The following PASK variants were observed in gnomAD, a reference collection of about 807,000 sequenced individuals.
The protein encoded by PASK is PAS domain containing serine/threonine kinase.
A neutral mutation model predicts 121.0 loss-of-function variants in PASK; 110 were observed. That is an observed-to-expected ratio of 0.91 (90% CI 0.78 to 1.06). The LOEUF is 1.06. Ranked by LOEUF, PASK falls within the 50% of genes least tolerant of loss-of-function variation. The pLI, the probability that PASK is intolerant of heterozygous loss-of-function variation, is 0.00. For synonymous variants in PASK, 686 were observed against 717.8 expected, an observed-to-expected ratio of 0.96 and a Z score of 0.71; for missense variants, 1,643 against 1,702.3, an observed-to-expected ratio of 0.97 and a Z score of 0.61.
At chr2:241,121,385 A>G (rs892896109) in intron 12 of PASK, among the ~76,000 whole-genome samples, 1 of 152,238 alleles carries the variant, frequency 6.6e-6, no homozygotes, top group Non-Finnish European at 1.5e-5. Flanking sequence ...AAATATTAAA[A>G]ACTAACAAGA....
In PASK at chr2:241,115,069, G is replaced by C; in HGVS notation, c.3307C>G (p.Pro1103Ala). The change falls in exon 14 of 18, where the codon CCC becomes GCC. Residue 1103 changes from proline (P) to alanine (A), a missense_variant. Pro to Ala is a conservative substitution (Grantham distance 27). Transcript: ENST00000234040. ...TGTCGGAAGATGTAGCTCGCCAGGG[G>C]CTCATCCAGCCTGGGGTGGCGGTCG... ...FIDRHPRLDE[P>A]LASYIFRQLV... 1 of 1,614,126 alleles carries C rather than the reference G, an allele frequency of 6.2e-7. No individual in the cohort carries two copies. The highest frequency in any genetic ancestry group is 8.5e-7 in the Non-Finnish European group (1 of 1,179,996).
chr2:241,140,464 A>T, intron 3 of PASK, 57 bp downstream of exon 3: 2 of 1,242,192 alleles, frequency 1.6e-6, no homozygotes, highest in Non-Finnish European at 2.3e-6. Flanking sequence ...TCCCAGGTTT[A>T]AGGCACAAAC....
In PASK at chr2:241,112,739, C is replaced by T. The variant is rs1490667765; in HGVS notation, c.3334-300G>A. The T allele has an allele frequency of 5.4e-6, 2 of 370,222 alleles. No individual in the cohort carries two copies. Among genetic ancestry groups the T allele is most frequent in the Non-Finnish European group, 5.1e-6 (1 of 197,914 alleles). 22.9% of individuals were successfully genotyped at this position (370,222 alleles called of 1,614,324 possible). ...GCTTCCCAGCAGACACTCGCCCCCA[C>T]CAACGCACACCATGCCTATTTCAGG... On this transcript the variant is annotated intron_variant, in intron 14 of 17. Transcript: ENST00000234040. This position sits in a 1 kb window ranked among gnomAD's most constrained non-coding sequence, Gnocchi z 5.2.
Position 241,112,451 on chromosome 2 carries a change from A to C in PASK, c.3334-12T>G, listed in dbSNP as rs749032289. Reference sequence around the variant, plus strand: ...ACTGCTGACACTAGCTGGAATCAGGAGGCCAGAGGGGGCTTTTTAAAAAAG... The same window carrying C: ...ACTGCTGACACTAGCTGGAATCAGGCGGCCAGAGGGGGCTTTTTAAAAAAG... On this transcript the variant is annotated splice_polypyrimidine_tract_variant and intron_variant, in intron 14 of 17. Coordinates refer to ENST00000234040, the MANE Select transcript of PASK (RefSeq NM_015148.4). This position sits in a 1 kb window ranked among gnomAD's most constrained non-coding sequence, Gnocchi z 5.2. 3 of 1,596,498 alleles carry C rather than the reference A, an allele frequency of 1.9e-6. No homozygotes were observed. Among genetic ancestry groups the C allele is most frequent in the Non-Finnish European group, 1.7e-6 (2 of 1,165,620 alleles).
At chr2:241,139,791 C>T (rs1346576006) in intron 4 of PASK, 94 bp downstream of exon 4, 1 of 1,219,556 alleles carries the variant, frequency 8.2e-7, no homozygotes, top group Non-Finnish European at 1.2e-6. Flanking sequence ...CCACCCAACC[C>T]CCAGCAGAGC....
chr2:241,136,340 G>A (rs1417689971), intron 7 of PASK, among the ~76,000 whole-genome samples: 1 of 152,228 alleles, frequency 6.6e-6, no homozygotes. Flanking sequence ...AGATGGATCT[G>A]GGAGCCTGTG....
chr2:241,130,435 G>A (rs1037902638), intron 9 of PASK, among the ~76,000 whole-genome samples: 4 of 152,112 alleles, frequency 2.6e-5, no homozygotes, highest in Admixed American at 6.6e-5. Flanking sequence ...AACGGGCCAC[G>A]TGGCCTCTGT....
chr2:241,107,588 A>G, intron 16 of PASK, 89 bp from the exon 17 acceptor site: 1 of 1,318,462 alleles, frequency 7.6e-7, no homozygotes, highest in Non-Finnish European at 1.1e-6. Context: ...ACCCCCCCGC[A>G]GAGCCTCTGA....
intron 2 of PASK, among the ~76,000 whole-genome samples, chr2:241,141,171 C>T (rs2066682449): frequency 6.6e-6 from 1 of 152,194 alleles, no homozygotes; most frequent in African/African-American, 2.4e-5. Flanking sequence ...CTTGCAGCCC[C>T]ATCTACTCAG....
chr2:241,120,050 T>TA (rs1305059507), intron 12 of PASK, among the ~76,000 whole-genome samples: 1 of 152,132 alleles, frequency 6.6e-6, no homozygotes, highest in Non-Finnish European at 1.5e-5. Flanking sequence ...TAAAATAAAA[T>TA]GTGCTTCAAA....
intron 9 of PASK, among the ~76,000 whole-genome samples, chr2:241,127,992 C>A (rs941998400): frequency 6.6e-6 from 1 of 152,318 alleles, no homozygotes; most frequent in African/African-American, 2.4e-5. Flanking sequence ...GGGCCAGGGG[C>A]CAGGGGGCCG....
chr2:241,140,745 ATCTGTCT>A lies in PASK; in HGVS notation c.198_204del (p.Glu66AspfsTer95). The A allele has an allele frequency of 2.1e-5, 33 of 1,605,988 alleles. No homozygotes were observed. In the Middle Eastern group the frequency reaches 5.0e-4, roughly 24 times the overall value. On this transcript the variant is annotated frameshift_variant and splice_region_variant, in exon 3 of 18. Coordinates refer to ENST00000234040, the MANE Select transcript of PASK (RefSeq NM_015148.4). LOFTEE classifies it high-confidence loss of function. ...AGTGATGATAGACAATAGGAGCTCC[ATCTGTCT>A]TCTGAAAAGAGAAGCGAAGCGAAGC...
chr2:241,149,555 G>A (rs1053001603), upstream of PASK: 174 of 1,171,286 alleles, frequency 1.5e-4, no homozygotes, highest in Non-Finnish European at 2.0e-4. Context: ...GTATGGGCGG[G>A]ACTAAGCTAG....
At position 241,136,729 on chromosome 2, in the gene PASK, G is replaced by A. The variant is rs528687266; in HGVS notation, c.1137+275C>T. Among the ~76,000 whole-genome samples, 7 of 152,326 alleles carry A rather than the reference G, an allele frequency of 4.6e-5. No homozygotes were observed. The South Asian group carries it at 6.2e-4, about 14-fold the overall frequency. ...AGAAATGAACCCCCGCAGTTGTGTC[G>A]TAAACCCTGGTCCATCAGTCAGACC... On this transcript the variant is annotated intron_variant, in intron 7 of 17. Transcript: ENST00000234040.
chr2:241,139,214 C>T (rs1187836372), intron 4 of PASK, among the ~76,000 whole-genome samples: 1 of 152,178 alleles, frequency 6.6e-6, no homozygotes, highest in Non-Finnish European at 1.5e-5. Flanking sequence ...GTGTGAAAGC[C>T]ACACACTAGG....
chr2:241,144,936 CAG>C (rs1491460253), intron 1 of PASK, among the ~76,000 whole-genome samples: 5 of 152,090 alleles, frequency 3.3e-5, no homozygotes, highest in Non-Finnish European at 1.5e-5. Context: ...TTTTTTGAGA[CAG>C]AGTCTCGCTG....
chr2:241,113,501 CAT>C (rs1217208929), intron 14 of PASK: 3 of 156,316 alleles, frequency 1.9e-5, no homozygotes, highest in African/African-American at 4.8e-5. Context: ...TACCTATACA[CAT>C]AACATATACT....
At position 241,124,043 on chromosome 2, in the gene PASK, C is replaced by A. The variant is rs56139954; in HGVS notation, c.2810G>T (p.Arg937Leu). 5.0e-6 allele frequency: 8 copies of A among 1,613,434 alleles called. No individual in the cohort carries two copies. Among genetic ancestry groups the A allele is most frequent in the Non-Finnish European group, 6.8e-6 (8 of 1,179,948 alleles). The part of the protein sequence containing the change: ...WLVKDLLHSQ[R>L]DSAARTRLFL... ...CAGGCGGGTCCTGGCGGCTGAGTCGCGTTGGCTGTGGAGGAGGTCTTTCAC... is the reference window on the plus strand; with the variant it reads ...CAGGCGGGTCCTGGCGGCTGAGTCGAGTTGGCTGTGGAGGAGGTCTTTCAC... Residue 937 changes from arginine to leucine, a missense_variant, in exon 11 of 18, where the codon CGC (arginine) becomes CTC (leucine). Physicochemically the swap from Arg to Leu is moderately radical, Grantham distance 102. Around this residue, in one of 3 missense-constraint regions of PASK, gnomAD observed 453 missense variants for 511.2 expected, o/e 0.89. Transcript: ENST00000234040.
chr2:241,123,909 C>T (rs759842898), intron 11 of PASK, 40 bp downstream of exon 11: 2 of 1,551,524 alleles, frequency 1.3e-6, no homozygotes, highest in East Asian at 2.3e-5. Flanking sequence ...CCACACAGTA[C>T]AAGGCAAGTC....
Sources: allele counts gnomAD v4.1 joint callset (sites outside exome capture counted in the v4.1 genomes callset), GRCh38; gene constraint gnomAD v4.1.1; regional missense constraint gnomAD v4.1.1; non-coding constraint Gnocchi (gnomAD v3.1); transcripts MANE v1.5; gene names NCBI Gene and HGNC (gene_info 2026-07-23, HGNC 2026-07-21).